Variants in SNX24 observed in about 807,000 individuals in gnomAD.
SNX24 encodes sorting nexin-24.
Under a neutral mutation model 28.7 loss-of-function variants are expected in SNX24, and 22 were observed. The observed-to-expected ratio is 0.77, with a 90% CI of 0.55 to 1.10. The LOEUF is 1.10. Among genes scored for constraint, SNX24 ranks in the 50% least tolerant of loss-of-function variants. SNX24 has a pLI of 0.00. For synonymous variants in SNX24, 69 were observed against 71.5 expected, an observed-to-expected ratio of 0.96 and a Z score of 0.18; for missense variants, 221 against 201.1, an observed-to-expected ratio of 1.10 and a Z score of -0.60.
chr5:122,888,001 C>T (rs535921568), intron 1 of SNX24, among the ~76,000 whole-genome samples: 1 of 152,318 alleles, frequency 6.6e-6, no homozygotes, highest in African/African-American at 2.4e-5. Context: ...CGCACTCGGC[C>T]TATATTGTAT....
intron 5 of SNX24, chr5:123,023,816 A>C: frequency 6.3e-7 from 1 of 1,576,528 alleles, no homozygotes; most frequent in Non-Finnish European, 8.6e-7. Flanking sequence ...CAACACACAC[A>C]CACACACACA....
chr5:123,017,832 C>G (rs1478853887), intron 5 of SNX24, among the ~76,000 whole-genome samples: 1 of 152,080 alleles, frequency 6.6e-6, no homozygotes, highest in Non-Finnish European at 1.5e-5. Flanking sequence ...TGAGGCCTCC[C>G]CAGCCTCATG....
intron 3 of SNX24, among the ~76,000 whole-genome samples, chr5:122,999,180 T>C (rs1381661650): frequency 1.1e-4 from 17 of 152,174 alleles, no homozygotes. Context: ...ATAATCTGGA[T>C]CTCTGATTAC....
chr5:122,956,385 C>T (rs1240574316), intron 3 of SNX24, among the ~76,000 whole-genome samples: 2 of 150,370 alleles, frequency 1.3e-5, no homozygotes, highest in African/African-American at 2.5e-5. Context: ...CACACACACA[C>T]ACACACACAC....
intron 1 of SNX24, among the ~76,000 whole-genome samples, chr5:122,904,856 A>G (rs1757582785): frequency 6.6e-6 from 1 of 152,112 alleles, no homozygotes; most frequent in South Asian, 2.1e-4. Flanking sequence ...ATATGCCACC[A>G]CTTTAGACCC....
chr5:122,890,231 A>G (rs1367011843), intron 1 of SNX24, among the ~76,000 whole-genome samples: 4 of 152,112 alleles, frequency 2.6e-5, no homozygotes, highest in Admixed American at 6.6e-5. Flanking sequence ...ACCACTGGTT[A>G]GGTTTTGATG....
chr5:122,869,187 T>A (rs770205044), intron 1 of SNX24, among the ~76,000 whole-genome samples: 1 of 152,204 alleles, frequency 6.6e-6, no homozygotes, highest in Non-Finnish European at 1.5e-5. Context: ...GACTGCAGCT[T>A]CCAAACTATT....
At chr5:122,967,144 A>C (rs1346556150) in intron 3 of SNX24, among the ~76,000 whole-genome samples, 16 of 152,184 alleles carry the variant, frequency 1.1e-4, no homozygotes. Flanking sequence ...CCACTCACGC[A>C]TTCATTAATT....
rs563613551 is a variant in SNX24 at position 122,952,771 on chromosome 5, A to G, written c.249+6612A>G. Among the ~76,000 whole-genome samples, 3 of 152,362 alleles carry G rather than the reference A, an allele frequency of 2.0e-5. No individual in the cohort carries two copies. The South Asian group carries it at 6.2e-4, about 32-fold the overall frequency. On this transcript the variant is annotated intron_variant, in intron 3 of 6. Transcript: ENST00000261369. ...TTAAGATTACAATAGGATGCTGTGT[A>G]AAAGGAACAATCCAAGAACACATGA...
At chr5:122,936,396 TAA>T (rs1298659654) in intron 1 of SNX24, among the ~76,000 whole-genome samples, 1 of 152,110 alleles carries the variant, frequency 6.6e-6, no homozygotes, top group African/African-American at 2.4e-5. Context: ...AATACTCTGG[TAA>T]AGAGTATTGT....
chr5:123,001,324 G>C (rs947598604), intron 4 of SNX24, 81 bp from the exon 5 acceptor site: 6 of 862,932 alleles, frequency 7.0e-6, no homozygotes, highest in African/African-American at 5.0e-5. Context: ...TAATAATATT[G>C]GGTATTTTTT....
chr5:122,941,461 T>C (rs560676534), intron 2 of SNX24, among the ~76,000 whole-genome samples: 1 of 152,334 alleles, frequency 6.6e-6, no homozygotes, highest in South Asian at 2.1e-4. Flanking sequence ...CTGTGTGTTC[T>C]GATCTATTCA....
intron 1 of SNX24, among the ~76,000 whole-genome samples, chr5:122,879,713 G>A (rs900545091): frequency 1.3e-5 from 2 of 151,614 alleles, no homozygotes; most frequent in Non-Finnish European, 2.9e-5. Context: ...TAGAGACAGG[G>A]TCTCACTATG....
intron 1 of SNX24, among the ~76,000 whole-genome samples, chr5:122,884,274 G>GTTTT: frequency 1.9e-5 from 1 of 52,380 alleles, no homozygotes; most frequent in African/African-American, 9.8e-5. Context: ...TTTTTTTTCA[G>GTTTT]ACAGAGTCTC....
At chr5:122,884,468 C>G (rs1435234122) in intron 1 of SNX24, among the ~76,000 whole-genome samples, 2 of 151,550 alleles carry the variant, frequency 1.3e-5, no homozygotes, top group Non-Finnish European at 2.9e-5. Flanking sequence ...GCTGGAGGCT[C>G]TTGAACTCCT....
intron 2 of SNX24, among the ~76,000 whole-genome samples, chr5:122,938,809 G>T (rs1485678620): frequency 1.9e-5 from 1 of 52,406 alleles, no homozygotes; most frequent in Non-Finnish European, 3.0e-5. Flanking sequence ...GCGTAGTGGC[G>T]GGCGCCTGTA....
rs962661716 is a variant in SNX24 at position 122,998,381 on chromosome 5, T to C, written c.250-1531T>C. ...TTAGTGTGTGTGTTTACTTGTTCAT[T>C]GCTAGCTTTCTTCAGCCCATGCTCC... is the stretch of plus-strand genomic sequence containing the variant. On this transcript the variant is annotated intron_variant, in intron 3 of 6. Transcript: ENST00000261369. 3 of 152,224 alleles carry C rather than the reference T, an allele frequency of 2.0e-5. No homozygotes were observed. In the East Asian group the frequency reaches 5.8e-4, roughly 29 times the overall value. 9.4% of individuals were successfully genotyped at this position (152,224 alleles called of 1,614,324 possible). A position where few individuals can be genotyped will look rare whatever the true frequency, so the allele number is the denominator to read the frequency against.
Position 122,890,844 on chromosome 5 carries a change from T to G in SNX24, c.60+45151T>G, listed in dbSNP as rs139264929. Among the ~76,000 whole-genome samples, 514 of 152,314 alleles carry G rather than the reference T, an allele frequency of 3.4e-3. 2 individuals are homozygous for G. The highest frequency in any genetic ancestry group is 5.0e-3 in the Non-Finnish European group (342 of 68,028). ...AGTACCCAATATATCTTTCAGGAAA[T>G]GAGCTGTAGTTGAGCAATAACGTTA... On this transcript the variant is annotated intron_variant, in intron 1 of 6. Coordinates refer to ENST00000261369, the MANE Select transcript of SNX24 (RefSeq NM_014035.4).
At chr5:122,865,196 T>C (rs1755659815) in intron 1 of SNX24, among the ~76,000 whole-genome samples, 1 of 152,246 alleles carries the variant, frequency 6.6e-6, no homozygotes. Flanking sequence ...CCACTGAAGT[T>C]GTCACATAAA....
Sources: allele counts gnomAD v4.1 joint callset (sites outside exome capture counted in the v4.1 genomes callset), GRCh38; gene constraint gnomAD v4.1.1; transcripts MANE v1.5; gene names NCBI Gene and HGNC (gene_info 2026-07-23, HGNC 2026-07-21).